The following NUDCD1 variants were observed in gnomAD, a reference collection of about 807,000 sequenced individuals.
NUDCD1 encodes the protein NudC domain containing 1, also known as nudC domain-containing protein 1.
A neutral mutation model predicts 67.8 loss-of-function variants in NUDCD1; 60 were observed. That is an observed-to-expected ratio of 0.88 (90% CI 0.72 to 1.10). The LOEUF is 1.10. Among genes scored for constraint, NUDCD1 ranks in the 50% least tolerant of loss-of-function variants. NUDCD1 has a pLI of 0.00. For synonymous variants in NUDCD1, 244 were observed against 230.8 expected (o/e 1.06, Z -0.52); for missense variants, 643 against 695.0 (o/e 0.93, Z 0.84).
chr8:109,323,137 T>A (rs1430710815), intron 1 of NUDCD1, among the ~76,000 whole-genome samples: 1 of 152,150 alleles, frequency 6.6e-6, no homozygotes, highest in Non-Finnish European at 1.5e-5. Flanking sequence ...TTCATGAAGA[T>A]GGAAACTTTC....
intron 2 of NUDCD1, among the ~76,000 whole-genome samples, chr8:109,297,977 C>T (rs989404835): frequency 1.3e-5 from 2 of 152,148 alleles, no homozygotes; most frequent in African/African-American, 4.8e-5. Flanking sequence ...TTTAAGTAAA[C>T]TGTATACAAT....
rs1032066298 is a variant in NUDCD1, at chr8:109,241,383, C to T, written c.*1626G>A. 6.6e-6 allele frequency: 1 copy of T among 152,078 alleles called. No individual in the cohort carries two copies. Among genetic ancestry groups the T allele is most frequent in the Non-Finnish European group, 1.5e-5 (1 of 67,994 alleles). 9.4% of individuals were successfully genotyped at this position (152,078 alleles called of 1,614,324 possible). On this transcript the variant is annotated 3_prime_UTR_variant, in exon 10 of 10. Transcript: ENST00000239690. ...TAGAGAAAATTTAGATCTACTTTCC[C>T]ATCATAAAGATTTTTAATAATTCAC... is the stretch of plus-strand genomic sequence containing the variant.
rs186619458 is a variant in NUDCD1, at chr8:109,311,473, C to T, written c.273+10836G>A. Among the ~76,000 whole-genome samples the T allele has an allele frequency of 1.7e-3, 263 of 151,292 alleles. 3 individuals carry two copies. The highest frequency in any genetic ancestry group is 3.0e-3 in the Non-Finnish European group (201 of 67,910). ...TATACAAAAAAGATACTTCCACACACGTTTATAGCAGCACAATTCACAACT... is the reference window on the plus strand; with the variant it reads ...TATACAAAAAAGATACTTCCACACATGTTTATAGCAGCACAATTCACAACT... On this transcript the variant is annotated intron_variant, in intron 2 of 9. Coordinates refer to ENST00000239690, the MANE Select transcript of NUDCD1 (RefSeq NM_032869.4).
At chr8:109,269,812 T>C (rs1814095918) in intron 8 of NUDCD1, among the ~76,000 whole-genome samples, 1 of 151,846 alleles carries the variant, frequency 6.6e-6, no homozygotes, top group Admixed American at 6.6e-5. Context: ...AATTTCTATA[T>C]GCACAGCTCT....
At chr8:109,301,289 C>T (rs540907222) in intron 2 of NUDCD1, among the ~76,000 whole-genome samples, 2 of 152,284 alleles carry the variant, frequency 1.3e-5, no homozygotes, top group Admixed American at 6.5e-5. Context: ...ATTCTCCCCC[C>T]GCCCTTAAGA....
chr8:109,240,964 A>G lies in NUDCD1; in HGVS notation c.*2045T>C, dbSNP rs1429307476. ...ACTTTATTACTATCATAAATATTTT[A>G]TAAATTCCTATTTAAAACATGATAA... On this transcript the variant is annotated 3_prime_UTR_variant, in exon 10 of 10. Transcript: ENST00000239690. The G allele has an allele frequency of 6.6e-6, 1 of 152,188 alleles. No homozygotes were observed. Among genetic ancestry groups the G allele is most frequent in the African/African-American group, 2.4e-5 (1 of 41,456 alleles). 9.4% of individuals were successfully genotyped at this position (152,188 alleles called of 1,614,324 possible).
chr8:109,315,413 C>T (rs918931660), intron 2 of NUDCD1: 4 of 152,120 alleles, frequency 2.6e-5, no homozygotes, highest in African/African-American at 7.2e-5. Flanking sequence ...AAGATTAAAA[C>T]TTCTATCACA....
intron 8 of NUDCD1, among the ~76,000 whole-genome samples, chr8:109,263,723 A>AG (rs563932330): frequency 2.0e-5 from 3 of 151,992 alleles, no homozygotes; most frequent in Non-Finnish European, 4.4e-5. Flanking sequence ...TGGGTTGGGG[A>AG]GGGGGGTGCT....
At chr8:109,250,058 G>T (rs1399337873) in intron 8 of NUDCD1, among the ~76,000 whole-genome samples, 1 of 151,864 alleles carries the variant, frequency 6.6e-6, no homozygotes, top group African/African-American at 2.4e-5. Flanking sequence ...ATGTTGCCCA[G>T]GCTGGTCTTG....
intron 2 of NUDCD1, among the ~76,000 whole-genome samples, chr8:109,307,184 C>T (rs1250653238): frequency 6.6e-6 from 1 of 152,216 alleles, no homozygotes; most frequent in Non-Finnish European, 1.5e-5. Context: ...TCCTGCCCTA[C>T]CCTAACTGAT....
At chr8:109,294,885 C>T (rs1240756711) in intron 3 of NUDCD1, among the ~76,000 whole-genome samples, 1 of 151,998 alleles carries the variant, frequency 6.6e-6, no homozygotes, top group Admixed American at 6.6e-5. Flanking sequence ...ATATTAATTA[C>T]CCTAAAGTCC....
At chr8:109,329,206 A>C (rs1815749852) in intron 1 of NUDCD1, among the ~76,000 whole-genome samples, 1 of 152,178 alleles carries the variant, frequency 6.6e-6, no homozygotes, top group Non-Finnish European at 1.5e-5. Context: ...AGTATGAAGA[A>C]AAAATGAAAC....
intron 2 of NUDCD1, among the ~76,000 whole-genome samples, chr8:109,311,559 G>GTGTGTGTATA: frequency 1.6e-5 from 2 of 125,168 alleles, no homozygotes; most frequent in Non-Finnish European, 1.7e-5. Flanking sequence ...AAACTGTGGT[G>GTGTGTGTATA]TATATATATA....
In NUDCD1 at chr8:109,243,043, T is replaced by C. The variant is rs746790123; in HGVS notation, c.1718A>G (p.Asn573Ser). 2.3e-5 allele frequency: 36 copies of C among 1,594,858 alleles called. No homozygotes were observed. The highest frequency in any genetic ancestry group is 2.9e-5 in the Non-Finnish European group (34 of 1,163,340). ...NERLFVLTTK[N>S]LFLIKVNTEN ...TGTATTTACTTTTATTAAAAAGAGG[T>C]TTTTGGTAGTAAGAACAAATAATCT... The change falls in exon 10 of 10, where the codon AAC (asparagine) becomes AGC (serine). Residue 573 changes from asparagine to serine, a missense_variant. By Grantham distance (46) the Asn-to-Ser change is conservative (BLOSUM62 1). Transcript: ENST00000239690.
At chr8:109,298,578 G>A (rs1332422291) in intron 2 of NUDCD1, 1 of 152,092 alleles carries the variant, frequency 6.6e-6, no homozygotes, top group Non-Finnish European at 1.5e-5. Flanking sequence ...ATAATCTCAG[G>A]ATAGAAAAAG....
chr8:109,247,672 A>C (rs1042718068), intron 8 of NUDCD1, among the ~76,000 whole-genome samples: 3 of 150,798 alleles, frequency 2.0e-5, no homozygotes, highest in Non-Finnish European at 3.0e-5. Context: ...TTCTGTTTGG[A>C]CTCCTTGTAT....
chr8:109,279,724 C>T (rs1002909926), intron 6 of NUDCD1, among the ~76,000 whole-genome samples: 7 of 152,086 alleles, frequency 4.6e-5, no homozygotes, highest in African/African-American at 9.7e-5. Context: ...CTCCGCCTCC[C>T]GGGTTCAAGT....
At position 109,333,957 on chromosome 8, in the gene NUDCD1, G is replaced by C. The variant is rs1469696465; in HGVS notation, c.54C>G (p.Pro18=). The C allele has an allele frequency of 6.2e-7, 1 of 1,614,032 alleles. No individual in the cohort carries two copies. Among genetic ancestry groups the C allele is most frequent in the East Asian group, 2.2e-5 (1 of 44,890 alleles). The change falls in exon 1 of 10, where the codon CCC becomes CCG. Residue 18 remains proline (P), a synonymous_variant. Transcript: ENST00000239690. The part of the protein sequence containing the change: ...SLRVKRPLLD[P]RFEGYKLSLE... Reference sequence around the variant, plus strand: ...GAGAGAGCTTGTAACCCTCGAAGCGGGGATCCAACAGAGGTCTCTTCACCC... The same window carrying C: ...GAGAGAGCTTGTAACCCTCGAAGCGCGGATCCAACAGAGGTCTCTTCACCC...
chr8:109,244,073 A>T (rs1007854410), intron 9 of NUDCD1, among the ~76,000 whole-genome samples: 1 of 152,132 alleles, frequency 6.6e-6, no homozygotes, highest in Non-Finnish European at 1.5e-5. Context: ...GGTATTTATG[A>T]TCATGTAAAA....
Sources: allele counts gnomAD v4.1 joint callset (sites outside exome capture counted in the v4.1 genomes callset), GRCh38; gene constraint gnomAD v4.1.1; transcripts MANE v1.5; gene names NCBI Gene and HGNC (gene_info 2026-07-23, HGNC 2026-07-21).